Variants in RAD51 observed in about 807,000 individuals in gnomAD.
RAD51 encodes the protein RAD51 recombinase.
A neutral mutation model predicts 41.5 loss-of-function variants in RAD51; 14 were observed. That is an observed-to-expected ratio of 0.34 (90% CI 0.22 to 0.53). RAD51 has a LOEUF of 0.53. Among genes scored for constraint, RAD51 ranks in the 20% least tolerant of loss-of-function variants. The probability of loss-of-function intolerance (pLI) is 0.95; values close to 1 mark genes in which losing one functional copy is unlikely to be tolerated. For missense variants in RAD51, 234 were observed against 422.0 expected, an observed-to-expected ratio of 0.55 and a Z score of 3.90; for synonymous variants, 136 against 148.6, an observed-to-expected ratio of 0.92 and a Z score of 0.62.
chr15:40,701,604 A>G (rs545300120), intron 3 of RAD51, among the ~76,000 whole-genome samples: 36 of 151,378 alleles, frequency 2.4e-4, no homozygotes, highest in Non-Finnish European at 5.0e-4. Flanking sequence ...GTGCTGGATT[A>G]TAGGTGTGAG....
At chr15:40,726,644 G>GT (rs1896599048) in intron 6 of RAD51, among the ~76,000 whole-genome samples, 2 of 151,918 alleles carry the variant, frequency 1.3e-5, no homozygotes, top group Middle Eastern at 3.4e-3. Context: ...GCCGGGCGCG[G>GT]TGGCTCATGC....
chr15:40,718,990 A>G (rs1896125920), intron 6 of RAD51, 91 bp downstream of exon 6: 5 of 1,174,674 alleles, frequency 4.3e-6, no homozygotes, highest in African/African-American at 3.0e-5. Context: ...TGTCTCTTCT[A>G]TAACCCCACG....
chr15:40,726,347 G>T (rs368768086), intron 6 of RAD51, among the ~76,000 whole-genome samples: 1 of 151,040 alleles, frequency 6.6e-6, no homozygotes, highest in African/African-American at 2.4e-5. Context: ...CGCCTCTCGG[G>T]TTCAAGCGAT....
intron 7 of RAD51, 128 bp downstream of exon 7, chr15:40,728,952 T>C (rs1247121404): frequency 3.7e-6 from 3 of 809,798 alleles, no homozygotes; most frequent in Admixed American, 2.0e-5. Flanking sequence ...ATTCCTGTGT[T>C]GACACTCTTG....
chr15:40,709,248 G>T, intron 5 of RAD51, 132 bp downstream of exon 5: 1 of 736,028 alleles, frequency 1.4e-6, no homozygotes, highest in Non-Finnish European at 2.3e-6. Context: ...TTAATAGTTA[G>T]AAGATAGACT....
chr15:40,730,510 A>C (rs546293768), intron 9 of RAD51, among the ~76,000 whole-genome samples: 30 of 93,730 alleles, frequency 3.2e-4, no homozygotes, highest in Admixed American at 1.5e-3. Context: ...GTCTTGAAAA[A>C]ATTTTTTTTC....
intron 6 of RAD51, among the ~76,000 whole-genome samples, chr15:40,719,810 C>T (rs1346166963): frequency 6.8e-6 from 1 of 147,530 alleles, no homozygotes; most frequent in African/African-American, 2.5e-5. Context: ...CCAGCCTGGG[C>T]GACAGAGCAA....
In RAD51 at chr15:40,731,924, G is replaced by A; in HGVS notation, c.*746G>A. 1 of 209,394 alleles carries A rather than the reference G, an allele frequency of 4.8e-6. No homozygotes were observed. Among genetic ancestry groups the A allele is most frequent in the Non-Finnish European group, 9.7e-6 (1 of 103,130 alleles). 13.0% of individuals were successfully genotyped at this position (209,394 alleles called of 1,614,324 possible). ...GTGAAATCCCATCTCTACAAAAAATGCAGAACTTAATCTGGACACACTGTT... is the reference window on the plus strand; with the variant it reads ...GTGAAATCCCATCTCTACAAAAAATACAGAACTTAATCTGGACACACTGTT... On this transcript the variant is annotated 3_prime_UTR_variant, in exon 10 of 10. Coordinates refer to ENST00000267868, the MANE Select transcript of RAD51 (RefSeq NM_002875.5).
In RAD51 at chr15:40,728,635, T is replaced by G; in HGVS notation, c.531-76T>G. ...ACTTCTTCCCTACCTATTCAGGTAA[T>G]TTAAGTGTCAGAAACAAATTGCTCA... On this transcript the variant is annotated intron_variant, in intron 6 of 9. Coordinates refer to ENST00000267868, the MANE Select transcript of RAD51 (RefSeq NM_002875.5). 3.4e-6 allele frequency: 4 copies of G among 1,166,466 alleles called. No homozygotes were observed. In the South Asian group the frequency reaches 4.9e-5, roughly 14 times the overall value. The allele number at this position is 1,166,466 out of a possible 1,614,324, so 72.3% of individuals were successfully genotyped here. A position where few individuals can be genotyped will look rare whatever the true frequency, so the allele number is the denominator to read the frequency against.
intron 3 of RAD51, among the ~76,000 whole-genome samples, 160 bp downstream of exon 3, chr15:40,701,361 C>CTTTTTTTTTTCTTTTTTTTTTT: frequency 7.2e-6 from 1 of 139,830 alleles, no homozygotes; most frequent in Non-Finnish European, 1.5e-5. Flanking sequence ...CTTTTCTTTT[C>CTTTTTTTTTTCTTTTTTTTTTT]TTTTTTTTTT....
intron 3 of RAD51, among the ~76,000 whole-genome samples, chr15:40,702,113 C>T (rs967945796): frequency 1.3e-5 from 2 of 152,088 alleles, no homozygotes; most frequent in Admixed American, 6.6e-5. Flanking sequence ...TGTATTTTCA[C>T]GTATCGATTA....
At chr15:40,710,554 A>G (rs1489765802) in intron 5 of RAD51, among the ~76,000 whole-genome samples, 3 of 151,700 alleles carry the variant, frequency 2.0e-5, no homozygotes, top group Admixed American at 1.3e-4. Context: ...ATTCAAGATG[A>G]CAAAACTTTA....
Position 40,722,864 on chromosome 15 carries a change from A to G in RAD51, c.530+3965A>G, listed in dbSNP as rs1896351359. ...TGATAATAGAGTTAGTTTTCACTTC[A>G]TCAAAATTAAAAACTTCTGTGCTTC... On this transcript the variant is annotated intron_variant, in intron 6 of 9. Transcript: ENST00000267868. 2.0e-5 allele frequency among the ~76,000 whole-genome samples: 3 copies of G among 152,200 alleles called. No homozygotes were observed. The South Asian group carries it at 6.2e-4, about 31-fold the overall frequency.
chr15:40,729,759 G>GTTATTCGTTA (rs1896776431), intron 8 of RAD51, 94 bp from the exon 9 acceptor site: 2 of 1,610,440 alleles, frequency 1.2e-6, no homozygotes, highest in Non-Finnish European at 1.7e-6. Context: ...AGAGACATTA[G>GTTATTCGTTA]TTATTCGTTA....
At chr15:40,705,353 C>G (rs114846710) in intron 3 of RAD51, among the ~76,000 whole-genome samples, 2,190 of 152,218 alleles carry the variant, frequency 0.014, 58 homozygotes, top group African/African-American at 0.05. Flanking sequence ...GAACACTTAT[C>G]TGTAATTACA....
At chr15:40,727,020 T>C (rs1022563438) in intron 6 of RAD51, among the ~76,000 whole-genome samples, 2 of 152,260 alleles carry the variant, frequency 1.3e-5, no homozygotes, top group South Asian at 4.1e-4. Flanking sequence ...ATAGTTTTTT[T>C]TGTGAGTGCC....
At chr15:40,703,928 G>C (rs1300708648) in intron 3 of RAD51, among the ~76,000 whole-genome samples, 3 of 151,970 alleles carry the variant, frequency 2.0e-5, no homozygotes, top group Non-Finnish European at 4.4e-5. Context: ...TTTAGAGGCA[G>C]AGTCTTGTTC....
intron 4 of RAD51, among the ~76,000 whole-genome samples, chr15:40,707,931 T>C (rs1193484845): frequency 6.6e-6 from 1 of 151,442 alleles, no homozygotes; most frequent in Non-Finnish European, 1.5e-5. Flanking sequence ...TTGGCCAGGC[T>C]GGTCTCAAAG....
intron 6 of RAD51, among the ~76,000 whole-genome samples, chr15:40,724,273 T>C (rs988789211): frequency 2.6e-5 from 4 of 152,166 alleles, no homozygotes; most frequent in Admixed American, 1.3e-4. Flanking sequence ...TTGGCAATCA[T>C]GTACAGCATT....
Sources: allele counts gnomAD v4.1 joint callset (sites outside exome capture counted in the v4.1 genomes callset), GRCh38; gene constraint gnomAD v4.1.1; transcripts MANE v1.5; gene names NCBI Gene and HGNC (gene_info 2026-07-23, HGNC 2026-07-21).